The following PDLIM3 variants were observed in gnomAD, a reference collection of about 807,000 sequenced individuals.
The protein encoded by PDLIM3 is PDZ and LIM domain 3, also known as PDZ and LIM domain protein 3.
A neutral mutation model predicts 37.3 loss-of-function variants in PDLIM3; 36 were observed. The observed-to-expected ratio is 0.97, with a 90% confidence interval of 0.74 to 1.28. The LOEUF is 1.28. PDLIM3 is among the 50% of genes most tolerant of loss of function. The pLI, the probability that PDLIM3 is intolerant of heterozygous loss-of-function variation, is 0.00. For missense variants in PDLIM3, 454 were observed against 485.0 expected, an observed-to-expected ratio of 0.94 and a Z score of 0.60; for synonymous variants, 174 against 182.4, an observed-to-expected ratio of 0.95 and a Z score of 0.37.
At position 185,504,859 on chromosome 4, in the gene PDLIM3, A is replaced by G. The variant is rs781487735; in HGVS notation, c.794-273T>C. On this transcript the variant is annotated intron_variant, in intron 6 of 7. Transcript: ENST00000284767. The surrounding 1 kb of genome is among the most constrained non-coding windows in gnomAD (Gnocchi z 4.7). ...CATTATTATTTTTTATTGTAGCAAA[A>G]TATACATAAAATTTACCATTTTCAC... 1.1e-4 allele frequency among the ~76,000 whole-genome samples: 17 copies of G among 152,216 alleles called. No homozygotes were observed. Among genetic ancestry groups the G allele is most frequent in the Admixed American group, 7.2e-4 (11 of 15,286 alleles).
Position 185,514,523 on chromosome 4 carries a change from C to A in PDLIM3, c.331-186G>T. 7.5e-7 allele frequency: 1 copy of A among 1,339,548 alleles called. No homozygotes were observed. The highest frequency in any genetic ancestry group is 1.0e-6 in the Non-Finnish European group (1 of 966,334). The allele number at this position is 1,339,548 out of a possible 1,614,324, so 83.0% of individuals were successfully genotyped here. A position where few individuals can be genotyped will look rare whatever the true frequency, so the allele number is the denominator to read the frequency against. ...CATCTATCCGCTAAACGGTCAGGCA[C>A]TGGCGGATTGGACCCCACAACAATT... On this transcript the variant is annotated intron_variant, in intron 3 of 7. Coordinates refer to ENST00000284767, the MANE Select transcript of PDLIM3 (RefSeq NM_014476.6). This position sits in a 1 kb window ranked among gnomAD's most constrained non-coding sequence, Gnocchi z 4.0.
At chr4:185,506,223 A>G (rs2095696834) in intron 6 of PDLIM3, among the ~76,000 whole-genome samples, 1 of 152,212 alleles carries the variant, frequency 6.6e-6, no homozygotes, top group South Asian at 2.1e-4. Flanking sequence ...GTTTGACAAC[A>G]TTCATTTAAA....
chr4:185,502,391 A>T lies in PDLIM3; in HGVS notation c.998T>A (p.Phe333Tyr). 1 of 1,614,212 alleles carries T rather than the reference A, an allele frequency of 6.2e-7. No individual in the cohort carries two copies. The highest frequency in any genetic ancestry group is 1.7e-5 in the Admixed American group (1 of 60,030). ...GCAGTACAGCTCCCCTTCTATGAAG[A>T]AGTAGCCCTTTTGCTTGAGGTTGAG... Reference protein sequence around the residue: ...CNLNLKQKGYFFIEGELYCET... With the variant: ...CNLNLKQKGYYFIEGELYCET... Residue 333 changes from phenylalanine to tyrosine, a missense_variant, in exon 8 of 8, where the codon TTC becomes TAC. Coordinates refer to ENST00000284767, the MANE Select transcript of PDLIM3 (RefSeq NM_014476.6).
intron 3 of PDLIM3, among the ~76,000 whole-genome samples, chr4:185,518,712 T>A (rs1208645962): frequency 1.3e-5 from 2 of 152,178 alleles, no homozygotes; most frequent in Admixed American, 1.3e-4. Context: ...CATCTCTCAC[T>A]GGGAAGAGCT....
chr4:185,512,904 G>A (rs994675413), intron 4 of PDLIM3: 119 of 985,254 alleles, frequency 1.2e-4, no homozygotes, highest in Non-Finnish European at 1.3e-4. Context: ...GAGTATGAAC[G>A]AGGGAACACA....
At chr4:185,515,128 A>C in intron 3 of PDLIM3, 1 of 314,348 alleles carries the variant, frequency 3.2e-6, no homozygotes, top group Non-Finnish European at 5.7e-6. Flanking sequence ...AACATATTAT[A>C]AAATAATTTA....
At chr4:185,519,416 G>T (rs1170664216) in intron 3 of PDLIM3, among the ~76,000 whole-genome samples, 3 of 152,152 alleles carry the variant, frequency 2.0e-5, no homozygotes, top group Non-Finnish European at 2.9e-5. Context: ...CTCCCCAGTA[G>T]CTGGGACCAC....
Position 185,508,451 on chromosome 4 carries a change from C to T in PDLIM3, c.510G>A (p.Leu170=), listed in dbSNP as rs1561192326. Reference sequence around the variant, plus strand: ...CCATTTCCAAAGGAATGTTAGGGGCCAGCTTAGCCGCAACTTTCAAGTCAC... The same window carrying T: ...CCATTTCCAAAGGAATGTTAGGGGCTAGCTTAGCCGCAACTTTCAAGTCAC... ...CPGDLKVAAK[L]APNIPLEMEL... Residue 170 remains leucine, a synonymous_variant, in exon 5 of 8, where the codon CTG becomes CTA. Coordinates refer to ENST00000284767, the MANE Select transcript of PDLIM3 (RefSeq NM_014476.6). 2 of 1,614,204 alleles carry T rather than the reference C, an allele frequency of 1.2e-6. No homozygotes were observed. Among genetic ancestry groups the T allele is most frequent in the Admixed American group, 3.3e-5 (2 of 60,026 alleles).
chr4:185,529,758 A>G (rs2095740683), intron 1 of PDLIM3, among the ~76,000 whole-genome samples: 2 of 152,358 alleles, frequency 1.3e-5, no homozygotes, highest in African/African-American at 2.4e-5. Flanking sequence ...AATTCTTAAG[A>G]CAATCTTACA....
At position 185,508,547 on chromosome 4, in the gene PDLIM3, G is replaced by A. The variant is rs553881498; in HGVS notation, c.414C>T (p.Pro138=). 100 of 1,613,998 alleles carry A rather than the reference G, an allele frequency of 6.2e-5. No homozygotes were observed. The South Asian group carries it at 9.9e-4, about 16-fold the overall frequency. Residue 138 remains proline, a synonymous_variant, in exon 5 of 8, where the codon CCC becomes CCT. Transcript: ENST00000284767. ...GTCCACTGCCACAGTCAATCCCGGA[G>A]GGAGTGCTGCATCCACTGTGTTAAT... ...IPGRSSGCST[P]SGIDCGSGRS...
chr4:185,535,289 G>C, intron 1 of PDLIM3, 53 bp downstream of exon 1: 1 of 1,497,746 alleles, frequency 6.7e-7, no homozygotes, highest in Non-Finnish European at 9.1e-7. Flanking sequence ...GCGTCCCCCC[G>C]GACGCCGCCG....
chr4:185,523,349 C>T lies in PDLIM3; in HGVS notation c.330+13G>A. The T allele has an allele frequency of 6.4e-7, 1 of 1,574,252 alleles. No homozygotes were observed. Among genetic ancestry groups the T allele is most frequent in the Non-Finnish European group, 8.7e-7 (1 of 1,144,032 alleles). On this transcript the variant is annotated intron_variant, in intron 3 of 7. Coordinates refer to ENST00000284767, the MANE Select transcript of PDLIM3 (RefSeq NM_014476.6). Reference sequence around the variant, plus strand: ...GGAAATACAATGTGTATCATTTGCTCTAAAACGCATACCTGTGGTTCTGAT... The same window carrying T: ...GGAAATACAATGTGTATCATTTGCTTTAAAACGCATACCTGTGGTTCTGAT...
At position 185,535,507 on chromosome 4, in the gene PDLIM3, T is replaced by C. The variant is rs1251100352; in HGVS notation, c.-73A>G. 1 of 1,341,490 alleles carries C rather than the reference T, an allele frequency of 7.5e-7. No homozygotes were observed. The highest frequency in any genetic ancestry group is 2.8e-5 in the East Asian group (1 of 35,798). 83.1% of individuals were successfully genotyped at this position (1,341,490 alleles called of 1,614,324 possible). A position where few individuals can be genotyped will look rare whatever the true frequency, so the allele number is the denominator to read the frequency against. ...AGCCACTCCGCGCCGGGCGGCGTCC[T>C]GGCCCCGACCCGGGCGGGGGCGCTT... is the stretch of plus-strand genomic sequence containing the variant. On this transcript the variant is annotated 5_prime_UTR_variant, in exon 1 of 8. Coordinates refer to ENST00000284767, the MANE Select transcript of PDLIM3 (RefSeq NM_014476.6).
At chr4:185,531,633 G>A (rs978533557) in intron 1 of PDLIM3, among the ~76,000 whole-genome samples, 2 of 152,234 alleles carry the variant, frequency 1.3e-5, no homozygotes, top group South Asian at 2.1e-4. Flanking sequence ...TATTGCTGTC[G>A]TCTGTATTTG....
At chr4:185,517,227 A>T (rs2095716261) in intron 3 of PDLIM3, 1 of 152,098 alleles carries the variant, frequency 6.6e-6, no homozygotes, top group Non-Finnish European at 1.5e-5. Flanking sequence ...CCTTTTTGAT[A>T]TGAGAGAAGA....
At chr4:185,527,862 C>A (rs888966929) in intron 1 of PDLIM3, among the ~76,000 whole-genome samples, 1 of 151,982 alleles carries the variant, frequency 6.6e-6, no homozygotes, top group Non-Finnish European at 1.5e-5. Context: ...CCAGCCTGGG[C>A]AAAATAGCAG....
Position 185,535,497 on chromosome 4 carries a change from G to T in PDLIM3, c.-63C>A. On this transcript the variant is annotated 5_prime_UTR_variant, in exon 1 of 8. Coordinates refer to ENST00000284767, the MANE Select transcript of PDLIM3 (RefSeq NM_014476.6). ...CGCGCAGGGCAGCCACTCCGCGCCG[G>T]GCGGCGTCCTGGCCCCGACCCGGGC... 15 of 1,435,630 alleles carry T rather than the reference G, an allele frequency of 1.0e-5. No homozygotes were observed. The highest frequency in any genetic ancestry group is 1.4e-5 in the Non-Finnish European group (15 of 1,055,852). 88.9% of individuals were successfully genotyped at this position (1,435,630 alleles called of 1,614,324 possible).
chr4:185,504,740 C>T lies in PDLIM3; in HGVS notation c.794-154G>A, dbSNP rs1005801678. 2.0e-5 allele frequency among the ~76,000 whole-genome samples: 3 copies of T among 152,176 alleles called. No homozygotes were observed. Among genetic ancestry groups the T allele is most frequent in the African/African-American group, 7.2e-5 (3 of 41,426 alleles). The stretch of plus-strand genomic sequence containing the variant: ...TGATGCAATCATAAGGGACGCTGTT[C>T]TGAAATAGGGCATTATAGAATGGAA... On this transcript the variant is annotated intron_variant, in intron 6 of 7. Transcript: ENST00000284767. This position sits in a 1 kb window ranked among gnomAD's most constrained non-coding sequence, Gnocchi z 4.7.
Position 185,514,421 on chromosome 4 carries a change from G to A in PDLIM3, c.331-84C>T. On this transcript the variant is annotated intron_variant, in intron 3 of 7. Transcript: ENST00000284767. The surrounding 1 kb of genome is among the most constrained non-coding windows in gnomAD (Gnocchi z 4.0). Reference sequence around the variant, plus strand: ...GATTAAACGAACGATAGTTGTACAGGGAGGATCATTTACCACCAACTACTG... The same window carrying A: ...GATTAAACGAACGATAGTTGTACAGAGAGGATCATTTACCACCAACTACTG... 2 of 1,613,066 alleles carry A rather than the reference G, an allele frequency of 1.2e-6. No individual in the cohort carries two copies. Among genetic ancestry groups the A allele is most frequent in the Non-Finnish European group, 1.7e-6 (2 of 1,179,626 alleles).
Sources: gnomAD v4.1 joint callset for allele counts (sites outside exome capture counted in the v4.1 genomes callset) on GRCh38, gnomAD v4.1.1 for gene constraint, Gnocchi (gnomAD v3.1) non-coding constraint, MANE v1.5 for transcripts, NCBI Gene and HGNC (gene_info 2026-07-23, HGNC 2026-07-21) for gene names.